PTPRN2: variants seen among roughly 807,000 people sequenced by gnomAD.
PTPRN2 encodes protein tyrosine phosphatase receptor type N2, also known as receptor-type tyrosine-protein phosphatase N2.
A neutral mutation model predicts 118.8 loss-of-function variants in PTPRN2; 74 were observed. That is an observed-to-expected ratio of 0.62 (90% CI 0.52 to 0.76). PTPRN2 has a LOEUF of 0.76. PTPRN2 is among the 30% of genes least tolerant of loss of function. The pLI, the probability that PTPRN2 is intolerant of heterozygous loss-of-function variation, is 0.00. For missense variants in PTPRN2, 1,481 were observed against 1,394.4 expected (o/e 1.06, Z -0.99); for synonymous variants, 641 against 608.0 (o/e 1.05, Z -0.80).
At chr7:158,407,977 T>C (rs1442714295) in intron 2 of PTPRN2, among the ~76,000 whole-genome samples, 1 of 152,196 alleles carries the variant, frequency 6.6e-6, no homozygotes, top group Non-Finnish European at 1.5e-5. Flanking sequence ...TCAGAAGATA[T>C]CCAATGACTC....
At chr7:158,336,650 C>CAG (rs770426497) in intron 2 of PTPRN2, among the ~76,000 whole-genome samples, 4 of 86,120 alleles carry the variant, frequency 4.6e-5, no homozygotes, top group South Asian at 3.5e-4. Flanking sequence ...CACACCCACA[C>CAG]GTCACTCACA....
chr7:157,693,504 C>T (rs1297497448), intron 12 of PTPRN2, among the ~76,000 whole-genome samples: 1 of 152,150 alleles, frequency 6.6e-6, no homozygotes, highest in African/African-American at 2.4e-5. Flanking sequence ...TGCCCCGACC[C>T]TCCCGCTGCG....
At chr7:158,303,249 T>C (rs1425537669) in intron 3 of PTPRN2, among the ~76,000 whole-genome samples, 6 of 151,802 alleles carry the variant, frequency 4.0e-5, no homozygotes, top group African/African-American at 1.5e-4. Context: ...ATTTTAAAAA[T>C]CACGGCTCTG....
At position 157,729,431 on chromosome 7, in the gene PTPRN2, G is replaced by A. The variant is rs770818209; in HGVS notation, c.1789-46494C>T. ...GGACAGCTCCATCTTCAGCAGCTCC[G>A]TGCATAGGGACTCCTGGGAAGACTT... On this transcript the variant is annotated intron_variant, in intron 12 of 22. Transcript: ENST00000389418. This position sits in a 1 kb window ranked among gnomAD's most constrained non-coding sequence, Gnocchi z 4.3. Among the ~76,000 whole-genome samples, 1 of 152,078 alleles carries A rather than the reference G, an allele frequency of 6.6e-6. No homozygotes were observed. Among genetic ancestry groups the A allele is most frequent in the Non-Finnish European group, 1.5e-5 (1 of 68,016 alleles).
intron 15 of PTPRN2, among the ~76,000 whole-genome samples, 187 bp downstream of exon 15, chr7:157,621,175 A>C (rs898903840): frequency 2.7e-5 from 4 of 149,118 alleles, no homozygotes; most frequent in African/African-American, 1.0e-4. Flanking sequence ...ACAGGTCAGC[A>C]CGGCTAGTTT....
At position 157,724,784 on chromosome 7, in the gene PTPRN2, G is replaced by A. The variant is rs1413067949; in HGVS notation, c.1789-41847C>T. Among the ~76,000 whole-genome samples the A allele has an allele frequency of 1.3e-5, 2 of 152,218 alleles. 1 individual carries two copies. On this transcript the variant is annotated intron_variant, in intron 12 of 22. Coordinates refer to ENST00000389418, the MANE Select transcript of PTPRN2 (RefSeq NM_002847.5). ...ACTCAGAGTACAGTTTCACACCACT[G>A]TAAAGTGAGAAATACTAAGTCCAAC...
At chr7:157,820,309 C>CCT (rs1806741367) in intron 12 of PTPRN2, among the ~76,000 whole-genome samples, 1 of 149,496 alleles carries the variant, frequency 6.7e-6, no homozygotes, top group African/African-American at 2.5e-5. Flanking sequence ...ACAGCAGACC[C>CCT]ACACACGTTC....
chr7:158,333,655 C>G (rs1378153099), intron 2 of PTPRN2, among the ~76,000 whole-genome samples: 2 of 151,838 alleles, frequency 1.3e-5, no homozygotes, highest in African/African-American at 4.9e-5. Flanking sequence ...CACATTCTCA[C>G]CATAAGAGCT....
At chr7:157,940,189 C>A (rs953835171) in intron 11 of PTPRN2, among the ~76,000 whole-genome samples, 3 of 152,158 alleles carry the variant, frequency 2.0e-5, no homozygotes, top group Non-Finnish European at 4.4e-5. Flanking sequence ...GGTCTGTCAG[C>A]GATGGTGGTG....
intron 12 of PTPRN2, among the ~76,000 whole-genome samples, chr7:157,809,620 A>G (rs1391903603): frequency 6.6e-6 from 1 of 152,130 alleles, no homozygotes; most frequent in Non-Finnish European, 1.5e-5. Context: ...CTAAGAAGAG[A>G]CAGCACAGAC....
chr7:158,216,254 G>A (rs1300924025), intron 3 of PTPRN2, among the ~76,000 whole-genome samples: 1 of 151,896 alleles, frequency 6.6e-6, no homozygotes, highest in Non-Finnish European at 1.5e-5. Flanking sequence ...CATAGATAAA[G>A]TGGATTTCCA....
intron 12 of PTPRN2, among the ~76,000 whole-genome samples, chr7:157,891,588 A>G (rs1796813645): frequency 6.6e-6 from 1 of 150,504 alleles, no homozygotes; most frequent in Admixed American, 6.6e-5. Context: ...AACACATATC[A>G]TGGCAAATTC....
rs1804346358 is a variant in PTPRN2 at position 157,992,797 on chromosome 7, C to G, written c.1723+88501G>C. Among the ~76,000 whole-genome samples, 3 of 152,252 alleles carry G rather than the reference C, an allele frequency of 2.0e-5. No individual in the cohort carries two copies. The South Asian group carries it at 6.2e-4, about 32-fold the overall frequency. ...CCAGAGTCCAGCTGGAATCACTGCC[C>G]ACGCCTAAATCTAAGAAGAAGTATG... On this transcript the variant is annotated intron_variant, in intron 11 of 22. Coordinates refer to ENST00000389418, the MANE Select transcript of PTPRN2 (RefSeq NM_002847.5).
At chr7:158,417,812 T>C (rs112276059) in intron 2 of PTPRN2, among the ~76,000 whole-genome samples, 53 of 82,386 alleles carry the variant, frequency 6.4e-4, no homozygotes, top group African/African-American at 9.4e-4. Flanking sequence ...TGCTCTAGCT[T>C]TCAGTGTCCC....
At chr7:157,606,278 G>T (rs1801996269) in intron 15 of PTPRN2, among the ~76,000 whole-genome samples, 1 of 152,210 alleles carries the variant, frequency 6.6e-6, no homozygotes, top group African/African-American at 2.4e-5. Context: ...CTTCTTCCTG[G>T]GTGCCTAAGT....
chr7:158,312,673 G>A (rs1229206006), intron 3 of PTPRN2, among the ~76,000 whole-genome samples: 1 of 135,708 alleles, frequency 7.4e-6, no homozygotes, highest in African/African-American at 2.8e-5. Context: ...GTGCCTGCCT[G>A]CACACATGCA....
intron 2 of PTPRN2, among the ~76,000 whole-genome samples, chr7:158,456,448 T>A (rs563838743): frequency 6.7e-6 from 1 of 149,102 alleles, no homozygotes; most frequent in Non-Finnish European, 1.5e-5. Context: ...GCAGAGAACA[T>A]AATGGCACGG....
chr7:158,393,464 T>C, intron 2 of PTPRN2, among the ~76,000 whole-genome samples: 1 of 152,040 alleles, frequency 6.6e-6, no homozygotes, highest in Admixed American at 6.6e-5. Flanking sequence ...GACACAGAAA[T>C]GGTTCCCAGA....
intron 21 of PTPRN2, among the ~76,000 whole-genome samples, chr7:157,566,309 G>C (rs1799482876): frequency 6.6e-6 from 1 of 152,224 alleles, no homozygotes; most frequent in South Asian, 2.1e-4. Flanking sequence ...CAGGACTCTG[G>C]GCCTTTGATC....
Sources: allele counts gnomAD v4.1 joint callset (sites outside exome capture counted in the v4.1 genomes callset), GRCh38; gene constraint gnomAD v4.1.1; non-coding constraint Gnocchi (gnomAD v3.1); transcripts MANE v1.5; gene names NCBI Gene and HGNC (gene_info 2026-07-23, HGNC 2026-07-21).